Variants in EXD3 observed in about 807,000 individuals in gnomAD.
EXD3 encodes the protein exonuclease mut-7 homolog.
In EXD3, 92 loss-of-function variants were observed where a neutral mutation model predicts 98.0. The observed-to-expected ratio is 0.94, with a 90% CI of 0.79 to 1.12. EXD3 has a LOEUF of 1.12. Ranked by LOEUF, EXD3 falls within the 50% of genes most tolerant of loss-of-function variation. The probability of loss-of-function intolerance (pLI) is 0.00; values close to 1 mark genes in which losing one functional copy is unlikely to be tolerated. For synonymous variants in EXD3, 569 were observed against 526.0 expected (o/e 1.08, Z -1.12); for missense variants, 1,222 against 1,191.6 (o/e 1.03, Z -0.38).
At chr9:137,317,463 C>G (rs1831746282) in intron 19 of EXD3, among the ~76,000 whole-genome samples, 1 of 152,152 alleles carries the variant, frequency 6.6e-6, no homozygotes, top group Admixed American at 6.5e-5. Context: ...GGTCCTCAGG[C>G]ACTACCTCAC....
At chr9:137,367,787 G>A (rs1394422592) in intron 6 of EXD3, 149 bp downstream of exon 6, 5 of 687,294 alleles carry the variant, frequency 7.3e-6, no homozygotes, top group Non-Finnish European at 1.2e-5. Context: ...GTGGTTTAGG[G>A]GGCTCTGGAG....
chr9:137,351,073 G>T lies in EXD3; in HGVS notation c.1459C>A (p.Leu487Met), dbSNP rs1475630908. The T allele has an allele frequency of 6.3e-7, 1 of 1,577,462 alleles. No homozygotes were observed. Among genetic ancestry groups the T allele is most frequent in the South Asian group, 1.2e-5 (1 of 85,960 alleles). Reference protein sequence around the residue: ...PALAHVEKQILGGMDLLLVHR... With the variant: ...PALAHVEKQIMGGMDLLLVHR... ...ACCAGCAGCAGGTCCATGCCGCCCA[G>T]AATCTGCTTCTCCACATGGGCCAGG... The change falls in exon 14 of 22, where the codon CTG (leucine) becomes ATG (methionine). Residue 487 changes from leucine (L) to methionine (M), a missense_variant. Leu to Met is a conservative substitution (Grantham distance 15). Coordinates refer to ENST00000340951, the MANE Select transcript of EXD3 (RefSeq NM_017820.5).
At chr9:137,398,609 T>TGGCACCCGCGTCCCCAAGACACACA (rs1837329697) in intron 1 of EXD3, among the ~76,000 whole-genome samples, 1 of 30,432 alleles carries the variant, frequency 3.3e-5, no homozygotes, top group Admixed American at 3.6e-4. Context: ...CAAGACACAC[T>TGGCACCCGCGTCCCCAAGACACACA]GGCACCCGCG....
At chr9:137,422,370 T>G (rs1838570917) in intron 1 of EXD3, among the ~76,000 whole-genome samples, 1 of 152,140 alleles carries the variant, frequency 6.6e-6, no homozygotes, top group African/African-American at 2.4e-5. Flanking sequence ...CCAGAAAGCA[T>G]TTCAAATGAA....
chr9:137,339,330 C>G (rs1248825279), intron 17 of EXD3, among the ~76,000 whole-genome samples: 1 of 151,868 alleles, frequency 6.6e-6, no homozygotes, highest in Non-Finnish European at 1.5e-5. Context: ...AATTATATGT[C>G]AGATGTACCC....
At chr9:137,353,347 A>G in intron 10 of EXD3, 1 of 985,330 alleles carries the variant, frequency 1.0e-6, no homozygotes, top group Non-Finnish European at 1.2e-6. Flanking sequence ...CCCGGGTCCC[A>G]GGAGCCCGGG....
intron 1 of EXD3, among the ~76,000 whole-genome samples, chr9:137,420,737 ACC>A (rs34647307): frequency 4.4e-5 from 5 of 112,464 alleles, no homozygotes; most frequent in South Asian, 6.7e-4. Flanking sequence ...ACAGACATTC[ACC>A]CCCCCCCCCA....
At chr9:137,391,597 T>C (rs1254606673) in intron 2 of EXD3, among the ~76,000 whole-genome samples, 1 of 129,220 alleles carries the variant, frequency 7.7e-6, no homozygotes, top group African/African-American at 3.0e-5. Context: ...GCCCTGGTGA[T>C]TCCTGGAGCT....
chr9:137,414,956 C>T (rs1235714121), intron 1 of EXD3, among the ~76,000 whole-genome samples: 1 of 152,180 alleles, frequency 6.6e-6, no homozygotes. Flanking sequence ...GGGGCGATCT[C>T]GGCTCACTGC....
In EXD3 at chr9:137,385,366, A is replaced by C. The variant is rs11507669; in HGVS notation, c.56-1989T>G. On this transcript the variant is annotated intron_variant, in intron 2 of 21. Transcript: ENST00000340951. The surrounding 1 kb of genome is among the most constrained non-coding windows in gnomAD (Gnocchi z 4.4). ...TGGCAGGCAGTGTGACTGGCCCCGCATTCTGGGTGCTGCATGCTGGGCATG... is the reference window on the plus strand; with the variant it reads ...TGGCAGGCAGTGTGACTGGCCCCGCCTTCTGGGTGCTGCATGCTGGGCATG... Among the ~76,000 whole-genome samples the C allele has an allele frequency of 1.3e-5, 2 of 149,336 alleles. No homozygotes were observed. The highest frequency in any genetic ancestry group is 3.0e-5 in the Non-Finnish European group (2 of 67,262).
At chr9:137,320,776 G>T (rs1269939412) in intron 19 of EXD3, among the ~76,000 whole-genome samples, 1 of 152,190 alleles carries the variant, frequency 6.6e-6, no homozygotes, top group East Asian at 1.9e-4. Context: ...GCTGGCCAGG[G>T]CTCCAGCAGG....
chr9:137,324,835 G>A lies in EXD3; in HGVS notation c.1999-692C>T, dbSNP rs892635611. Among the ~76,000 whole-genome samples, 3 of 152,138 alleles carry A rather than the reference G, an allele frequency of 2.0e-5. No individual in the cohort carries two copies. The highest frequency in any genetic ancestry group is 7.2e-5 in the African/African-American group (3 of 41,406). ...AGCCTCCCAAGTAGCTAGGACTACA[G>A]GCGCCAGCCACCGTGCCTGGCTAAT... On this transcript the variant is annotated intron_variant, in intron 17 of 21. Transcript: ENST00000340951. This position sits in a 1 kb window ranked among gnomAD's most constrained non-coding sequence, Gnocchi z 4.1.
intron 1 of EXD3, among the ~76,000 whole-genome samples, chr9:137,406,888 G>C (rs1012609215): frequency 6.6e-6 from 1 of 151,976 alleles, no homozygotes; most frequent in African/African-American, 2.4e-5. Flanking sequence ...GGCTGGGGAC[G>C]GCCTTGCGCG....
At chr9:137,337,637 C>T (rs1203749798) in intron 17 of EXD3, among the ~76,000 whole-genome samples, 3 of 150,142 alleles carry the variant, frequency 2.0e-5, no homozygotes, top group Non-Finnish European at 3.0e-5. Context: ...GGCGACAGAG[C>T]GAGATTTCTT....
At position 137,371,319 on chromosome 9, in the gene EXD3, C is replaced by T. The variant is rs962891155; in HGVS notation, c.462+1586G>A. Reference sequence around the variant, plus strand: ...GTGCCGGGACATGGTGGCTTCTCAGCGCCATGCACCCGCCGCGAGACGACG... The same window carrying T: ...GTGCCGGGACATGGTGGCTTCTCAGTGCCATGCACCCGCCGCGAGACGACG... On this transcript the variant is annotated intron_variant, in intron 5 of 21. Transcript: ENST00000340951. This position sits in a 1 kb window ranked among gnomAD's most constrained non-coding sequence, Gnocchi z 8.0. Among the ~76,000 whole-genome samples the T allele has an allele frequency of 7.2e-5, 11 of 152,190 alleles. No individual in the cohort carries two copies. Among genetic ancestry groups the T allele is most frequent in the Admixed American group, 2.0e-4 (3 of 15,294 alleles).
chr9:137,378,026 C>T (rs1836005924), intron 3 of EXD3, among the ~76,000 whole-genome samples: 1 of 151,626 alleles, frequency 6.6e-6, no homozygotes, highest in South Asian at 2.1e-4. Context: ...AACTCCTGAC[C>T]TCGTGATTCG....
At chr9:137,366,083 T>C (rs1468943055) in intron 7 of EXD3, 2 of 686,820 alleles carry the variant, frequency 2.9e-6, no homozygotes, top group South Asian at 3.0e-5. Flanking sequence ...ACAGGCACCA[T>C]ATGGGCTCCT....
intron 8 of EXD3, among the ~76,000 whole-genome samples, chr9:137,355,471 A>AG (rs1365432181): frequency 4.6e-4 from 51 of 110,366 alleles, no homozygotes; most frequent in African/African-American, 1.9e-3. Context: ...GAAAGGAGGA[A>AG]GGAGGAAGGA....
rs758043920 is a variant in EXD3, at chr9:137,324,174, G to C, written c.1999-31C>G. On this transcript the variant is annotated intron_variant, in intron 17 of 21. Transcript: ENST00000340951. The surrounding 1 kb of genome is among the most constrained non-coding windows in gnomAD (Gnocchi z 4.1). ...TGGGAGGTGCGACCAGCACATAAAGGGGGCAGCTCCGTGCTCCTGGACTGG... is the reference window on the plus strand; with the variant it reads ...TGGGAGGTGCGACCAGCACATAAAGCGGGCAGCTCCGTGCTCCTGGACTGG... The C allele has an allele frequency of 5.1e-6, 8 of 1,554,028 alleles. No individual in the cohort carries two copies. The highest frequency in any genetic ancestry group is 6.1e-6 in the Non-Finnish European group (7 of 1,147,448).
Sources: allele counts gnomAD v4.1 joint callset (sites outside exome capture counted in the v4.1 genomes callset), GRCh38; gene constraint gnomAD v4.1.1; non-coding constraint Gnocchi (gnomAD v3.1); transcripts MANE v1.5; gene names NCBI Gene and HGNC (gene_info 2026-07-23, HGNC 2026-07-21).